RIMS2: variants seen among roughly 807,000 people sequenced by gnomAD.
The protein encoded by RIMS2 is regulating synaptic membrane exocytosis 2.
A neutral mutation model predicts 174.4 loss-of-function variants in RIMS2; 59 were observed. The observed-to-expected ratio is 0.34, with a 90% confidence interval of 0.27 to 0.42. RIMS2 has a LOEUF of 0.42. RIMS2 is among the 10% of genes least tolerant of loss of function. The probability of loss-of-function intolerance (pLI) is 1.00; values close to 1 mark genes in which losing one functional copy is unlikely to be tolerated. For synonymous variants in RIMS2, 606 were observed against 572.5 expected (o/e 1.06, Z -0.84); for missense variants, 1,620 against 1,666.3 (o/e 0.97, Z 0.48).
intron 4 of RIMS2, among the ~76,000 whole-genome samples, chr8:103,902,823 A>T (rs1466418986): frequency 1.3e-5 from 2 of 152,130 alleles, no homozygotes; most frequent in Non-Finnish European, 1.5e-5. Flanking sequence ...ATTTGAAAAA[A>T]GTCCTACACT....
chr8:103,593,871 A>G (rs865806084), intron 1 of RIMS2, among the ~76,000 whole-genome samples: 2 of 151,408 alleles, frequency 1.3e-5, no homozygotes, highest in Non-Finnish European at 3.0e-5. Context: ...ATAGAAATAT[A>G]TATATAACTT....
chr8:103,912,242 T>TC, intron 6 of RIMS2, 70 bp downstream of exon 9: 1 of 1,187,780 alleles, frequency 8.4e-7, no homozygotes, highest in Non-Finnish European at 1.2e-6. Flanking sequence ...AAAGGATAAC[T>TC]CTTTCAACCT....
intron 19 of RIMS2, among the ~76,000 whole-genome samples, chr8:104,087,012 G>A (rs936053038): frequency 1.5e-4 from 23 of 152,040 alleles, no homozygotes; most frequent in African/African-American, 2.7e-4. Flanking sequence ...AGAAAACTCC[G>A]TAAATTGGAA....
At chr8:103,690,584 A>C (rs1396286395) in intron 1 of RIMS2, among the ~76,000 whole-genome samples, 1 of 152,192 alleles carries the variant, frequency 6.6e-6, no homozygotes, top group Non-Finnish European at 1.5e-5. Context: ...AAACTAATAA[A>C]AATACTACAC....
chr8:103,696,657 A>G (rs1201137627), intron 1 of RIMS2, among the ~76,000 whole-genome samples: 1 of 151,992 alleles, frequency 6.6e-6, no homozygotes, highest in Non-Finnish European at 1.5e-5. Context: ...CCTTGAGGTC[A>G]GGAGTTCGAG....
At chr8:104,160,286 G>A (rs555594819) in intron 19 of RIMS2, among the ~76,000 whole-genome samples, 1 of 152,234 alleles carries the variant, frequency 6.6e-6, no homozygotes, top group South Asian at 2.1e-4. Context: ...GATAATAGTT[G>A]ATATCCACAA....
intron 3 of RIMS2, chr8:103,819,444 A>T: frequency 6.2e-7 from 1 of 1,600,098 alleles, no homozygotes; most frequent in Non-Finnish European, 8.5e-7. Flanking sequence ...GGTGTCAGCA[A>T]ATAGATGATT....
chr8:104,082,486 A>G (rs1449910113), intron 19 of RIMS2, among the ~76,000 whole-genome samples: 2 of 152,210 alleles, frequency 1.3e-5, no homozygotes, highest in Non-Finnish European at 2.9e-5. Context: ...CTCAGGCTGA[A>G]GAGAGAGCTT....
chr8:103,746,218 G>C (rs943060017), intron 2 of RIMS2, among the ~76,000 whole-genome samples: 1 of 152,226 alleles, frequency 6.6e-6, no homozygotes, highest in African/African-American at 2.4e-5. Flanking sequence ...CCAATTGAAC[G>C]ATCTTGGCTC....
chr8:103,780,909 T>C (rs2098381411), intron 3 of RIMS2, among the ~76,000 whole-genome samples: 1 of 152,170 alleles, frequency 6.6e-6, no homozygotes. Flanking sequence ...TTAGTTTACC[T>C]GTTGATTTTT....
In RIMS2 at chr8:103,869,921, T is replaced by C. The variant is rs141808728; in HGVS notation, c.699-15377T>C. Among the ~76,000 whole-genome samples, 560 of 152,182 alleles carry C rather than the reference T, an allele frequency of 3.7e-3. 2 individuals are homozygous for C. Among genetic ancestry groups the C allele is most frequent in the Middle Eastern group, 0.017 (5 of 292 alleles). On this transcript the variant is annotated intron_variant, in intron 3 of 23. Transcript: ENST00000504942. ...ACTTGTGGCAGTTAGGGGAGGGGAA[T>C]GTTTGGTTATTTTTGGTTGCACGGC...
At chr8:103,794,704 C>A (rs186046075) in intron 3 of RIMS2, among the ~76,000 whole-genome samples, 1 of 152,134 alleles carries the variant, frequency 6.6e-6, no homozygotes, top group Non-Finnish European at 1.5e-5. Context: ...GGCTAATATC[C>A]AGAATCTACA....
chr8:103,850,465 T>C (rs1421662331), intron 3 of RIMS2, among the ~76,000 whole-genome samples: 1 of 152,032 alleles, frequency 6.6e-6, no homozygotes. Flanking sequence ...TTTGGAGTCC[T>C]GTTACAGAGG....
At chr8:103,992,510 G>T (rs2094792157) in intron 17 of RIMS2, among the ~76,000 whole-genome samples, 1 of 151,922 alleles carries the variant, frequency 6.6e-6, no homozygotes, top group Admixed American at 6.6e-5. Context: ...CTTGAAAAAT[G>T]GGCATGTTTA....
chr8:103,779,479 C>A (rs1208467331), intron 3 of RIMS2, among the ~76,000 whole-genome samples: 1 of 151,734 alleles, frequency 6.6e-6, no homozygotes, highest in African/African-American at 2.4e-5. Flanking sequence ...TCCAGTTTTC[C>A]CAGCACAGTG....
At chr8:103,523,406 CTGTG>C (rs796706323) in intron 1 of RIMS2, among the ~76,000 whole-genome samples, 23 of 149,478 alleles carry the variant, frequency 1.5e-4, no homozygotes, top group African/African-American at 5.2e-4. Context: ...TTGTGTGTGT[CTGTG>C]TGTGTGTGGT....
chr8:104,198,129 A>T (rs188087141), intron 19 of RIMS2, among the ~76,000 whole-genome samples: 2 of 152,322 alleles, frequency 1.3e-5, no homozygotes. Context: ...TATCCCAAAG[A>T]TGGTACAAAG....
chr8:103,630,874 TA>T (rs1219055691), intron 1 of RIMS2, among the ~76,000 whole-genome samples: 19 of 152,166 alleles, frequency 1.2e-4, no homozygotes, highest in Non-Finnish European at 1.0e-4. Flanking sequence ...TGAATTGAGC[TA>T]TTTTTTTTAT....
At chr8:103,604,253 A>G (rs367959235) in intron 1 of RIMS2, among the ~76,000 whole-genome samples, 23,023 of 143,978 alleles carry the variant, frequency 0.16, 2,255 homozygotes, top group African/African-American at 0.25. Context: ...TATTAAATAG[A>G]GAATCCTTTC....
Sources: gnomAD v4.1 joint callset for allele counts (sites outside exome capture counted in the v4.1 genomes callset) on GRCh38, gnomAD v4.1.1 for gene constraint, MANE v1.5 for transcripts, NCBI Gene and HGNC (gene_info 2026-07-23, HGNC 2026-07-21) for gene names.